Variants in DRC1 observed in about 807,000 individuals in gnomAD.
DRC1 encodes dynein regulatory complex protein 1.
Under a neutral mutation model 98.7 loss-of-function variants are expected in DRC1, and 74 were observed. The ratio of observed to expected loss-of-function variants is 0.75; its 90% CI spans 0.62 to 0.91. The LOEUF is 0.91. Among genes scored for constraint, DRC1 ranks in the 40% least tolerant of loss-of-function variants. The probability of loss-of-function intolerance (pLI) is 0.00; values close to 1 mark genes in which losing one functional copy is unlikely to be tolerated. For missense variants in DRC1, 875 were observed against 886.0 expected (o/e 0.99, Z 0.16); for synonymous variants, 336 against 334.1 (o/e 1.01, Z -0.06).
chr2:26,439,948 TACACACACACAC>T (rs201091945), intron 7 of DRC1, among the ~76,000 whole-genome samples: 452 of 124,510 alleles, frequency 3.6e-3, no homozygotes, highest in Non-Finnish European at 4.3e-3. Flanking sequence ...CACACACACA[TACACACACACAC>T]ACATATATAT....
intron 7 of DRC1, among the ~76,000 whole-genome samples, chr2:26,438,087 C>CA (rs61571007): frequency 0.064 from 2,937 of 45,572 alleles, 64 homozygotes; most frequent in Non-Finnish European, 0.098. Context: ...GACTCTATCT[C>CA]AAAAAAAAAA....
intron 7 of DRC1, 104 bp downstream of exon 7, chr2:26,432,110 T>C (rs868060404): frequency 3.4e-6 from 5 of 1,463,336 alleles, no homozygotes; most frequent in Middle Eastern, 2.4e-4. Context: ...CTAGAGGTAG[T>C]CCCTTCAGCA....
chr2:26,434,583 T>C lies in DRC1; in HGVS notation c.888+2577T>C, dbSNP rs1663522082. On this transcript the variant is annotated intron_variant, in intron 7 of 16. Transcript: ENST00000288710. ...AGTACAGCTCCTGCCCTCAAGGAACTTATAATCTATTAAGAAAGCAAGCTA... is the reference window on the plus strand; with the variant it reads ...AGTACAGCTCCTGCCCTCAAGGAACCTATAATCTATTAAGAAAGCAAGCTA... Among the ~76,000 whole-genome samples the C allele has an allele frequency of 3.3e-5, 5 of 152,268 alleles. No individual in the cohort carries two copies. In the South Asian group the frequency reaches 1.0e-3, roughly 32 times the overall value.
intron 3 of DRC1, among the ~76,000 whole-genome samples, chr2:26,422,698 T>TTGAGG (rs1322858267): frequency 6.6e-6 from 1 of 152,146 alleles, no homozygotes; most frequent in African/African-American, 2.4e-5. Context: ...GGCGGATTGC[T>TTGAGG]TGAGGTCAGG....
intron 6 of DRC1, among the ~76,000 whole-genome samples, chr2:26,431,463 C>G (rs1663436018): frequency 6.6e-6 from 1 of 152,082 alleles, no homozygotes; most frequent in Non-Finnish European, 1.5e-5. Flanking sequence ...ATTCATGGCC[C>G]AAGGTGTTTT....
chr2:26,440,319 T>TGTG (rs1558449242), intron 7 of DRC1, 59 bp from the exon 8 acceptor site: 29 of 1,267,772 alleles, frequency 2.3e-5, no homozygotes, highest in Non-Finnish European at 2.8e-5. Flanking sequence ...GTTAGTGTGT[T>TGTG]TGTGTGTGTG....
At chr2:26,442,114 T>C (rs1663732684) in intron 8 of DRC1, among the ~76,000 whole-genome samples, 1 of 152,232 alleles carries the variant, frequency 6.6e-6, no homozygotes, top group Admixed American at 6.5e-5. Context: ...CCTCACACAG[T>C]AGAAGAGCGG....
intron 2 of DRC1, among the ~76,000 whole-genome samples, chr2:26,418,609 AAAT>A (rs1678912704): frequency 1.1e-5 from 1 of 87,802 alleles, no homozygotes; most frequent in South Asian, 2.6e-4. Context: ...TATAATATAT[AAAT>A]TATATATAAT....
intron 6 of DRC1, among the ~76,000 whole-genome samples, chr2:26,431,109 C>T (rs1480724966): frequency 6.6e-6 from 1 of 152,068 alleles, no homozygotes; most frequent in Non-Finnish European, 1.5e-5. Context: ...TACAGGCACA[C>T]ACCACCATGC....
intron 13 of DRC1, among the ~76,000 whole-genome samples, chr2:26,451,706 A>G (rs556259978): frequency 4.6e-5 from 7 of 152,314 alleles, no homozygotes; most frequent in African/African-American, 1.4e-4. Flanking sequence ...GGGAAAAAAA[A>G]GAGAAAAGAA....
At chr2:26,448,306 T>C in intron 10 of DRC1, 1 of 478,948 alleles carries the variant, frequency 2.1e-6, no homozygotes. Context: ...TCTAATCTGT[T>C]GCAGGTTTAG....
At chr2:26,451,820 A>T (rs1329259530) in intron 13 of DRC1, among the ~76,000 whole-genome samples, 1 of 152,252 alleles carries the variant, frequency 6.6e-6, no homozygotes, top group Non-Finnish European at 1.5e-5. Context: ...AAAAATCATG[A>T]TAAGCAAAGT....
At position 26,436,127 on chromosome 2, in the gene DRC1, CT is replaced by C. The variant is rs536627061; in HGVS notation, c.888+4133del. On this transcript the variant is annotated intron_variant, in intron 7 of 16. Transcript: ENST00000288710. ...GCAACCTCACCAGCATCTCCTGTTT[CT>C]TTTTTTTTTTTCACTTTTTAATAAT... Among the ~76,000 whole-genome samples the C allele has an allele frequency of 4.9e-3, 705 of 142,634 alleles. 2 individuals are homozygous for C. Among genetic ancestry groups the C allele is most frequent in the African/African-American group, 0.011 (419 of 39,140 alleles). 93.6% of individuals were successfully genotyped at this position (142,634 alleles called of 152,430 possible). A position where few individuals can be genotyped will look rare whatever the true frequency, so the allele number is the denominator to read the frequency against.
chr2:26,451,141 A>G (rs1663997045), intron 13 of DRC1, among the ~76,000 whole-genome samples: 1 of 152,158 alleles, frequency 6.6e-6, no homozygotes, highest in South Asian at 2.1e-4. Flanking sequence ...TAGCTAACTT[A>G]GCATTTCCCT....
Position 26,444,644 on chromosome 2 carries a change from C to T in DRC1, c.1164-72C>T, listed in dbSNP as rs75604729. The T allele has an allele frequency of 3.4e-3, 4,822 of 1,407,226 alleles. 136 individuals carry two copies. In the African/African-American group the frequency reaches 0.062, roughly 18 times the overall value. The allele number at this position is 1,407,226 out of a possible 1,614,324, so 87.2% of individuals were successfully genotyped here. Reference sequence around the variant, plus strand: ...CACAGCTCCTTTTCATATTCCTGCCCTGCTGCTATTTGAGGGGACCCTGGC... The same window carrying T: ...CACAGCTCCTTTTCATATTCCTGCCTTGCTGCTATTTGAGGGGACCCTGGC... On this transcript the variant is annotated intron_variant, in intron 9 of 16. Coordinates refer to ENST00000288710, the MANE Select transcript of DRC1 (RefSeq NM_145038.5).
intron 8 of DRC1, among the ~76,000 whole-genome samples, chr2:26,442,390 A>G (rs746074707): frequency 2.0e-5 from 3 of 152,210 alleles, no homozygotes; most frequent in Non-Finnish European, 2.9e-5. Context: ...CTCAGGCCTC[A>G]TCTATTATGA....
rs1244292840 is a variant in DRC1 at position 26,450,017 on chromosome 2, C to T, written c.1531C>T (p.Leu511=). The T allele has an allele frequency of 6.2e-7, 1 of 1,613,910 alleles. No individual in the cohort carries two copies. The change falls in exon 12 of 17, where the codon CTG becomes TTG. Residue 511 remains leucine (L), a synonymous_variant. Coordinates refer to ENST00000288710, the MANE Select transcript of DRC1 (RefSeq NM_145038.5). Reference sequence around the variant, plus strand: ...CCAGGGGTTCCTCATAGAGAGCAAGCTGCTGAGCCTTCTCCTGCCCCTGGA... The same window carrying T: ...CCAGGGGTTCCTCATAGAGAGCAAGTTGCTGAGCCTTCTCCTGCCCCTGGA... The part of the protein sequence containing the change: ...DESGFLIESK[L]LSLLLPLEQN...
intron 7 of DRC1, among the ~76,000 whole-genome samples, chr2:26,432,586 A>G (rs1025948741): frequency 3.6e-5 from 3 of 82,572 alleles, no homozygotes; most frequent in Admixed American, 1.1e-4. Context: ...AAAAGAAAAG[A>G]AAAGGAAAGA....
At chr2:26,424,844 C>A (rs1211257769) in intron 4 of DRC1, among the ~76,000 whole-genome samples, 1 of 152,104 alleles carries the variant, frequency 6.6e-6, no homozygotes, top group Non-Finnish European at 1.5e-5. Flanking sequence ...CTCAGCTACT[C>A]AGGAGGCTGA....
Sources: allele counts gnomAD v4.1 joint callset (sites outside exome capture counted in the v4.1 genomes callset), GRCh38; gene constraint gnomAD v4.1.1; transcripts MANE v1.5; gene names NCBI Gene and HGNC (gene_info 2026-07-23, HGNC 2026-07-21).